The following TNPO1 variants were observed in gnomAD, a reference collection of about 807,000 sequenced individuals.
TNPO1 encodes transportin-1.
A neutral mutation model predicts 119.5 loss-of-function variants in TNPO1; 8 were observed. That is an observed-to-expected ratio of 0.07 (90% CI 0.04 to 0.12). The LOEUF (loss-of-function observed/expected upper bound fraction) is 0.12, where lower values mean the gene tolerates loss of function less well. Ranked by LOEUF, TNPO1 falls within the 10% of genes least tolerant of loss-of-function variation. The pLI, the probability that TNPO1 is intolerant of heterozygous loss-of-function variation, is 1.00. For synonymous variants in TNPO1, 362 were observed against 363.0 expected, an observed-to-expected ratio of 1.00 and a Z score of 0.03; for missense variants, 576 against 1,089.8, an observed-to-expected ratio of 0.53 and a Z score of 6.64.
At chr5:72,898,824 T>C (rs955815565) in intron 20 of TNPO1, among the ~76,000 whole-genome samples, 1 of 152,194 alleles carries the variant, frequency 6.6e-6, no homozygotes, top group African/African-American at 2.4e-5. Context: ...ATGAATCTGC[T>C]GGATTTTAGT....
rs771361518 is a variant in TNPO1 at position 72,865,741 on chromosome 5, G to A, written c.596+12G>A. ...AGTCCAAAAATAAGGTACTTATATT[G>A]CCAGTACTAATTGATTAACTGTGAT... On this transcript the variant is annotated intron_variant, in intron 6 of 24. Transcript: ENST00000337273. The A allele has an allele frequency of 3.1e-6, 5 of 1,609,318 alleles. No homozygotes were observed. The South Asian group carries it at 5.5e-5, about 18-fold the overall frequency.
At chr5:72,871,409 G>A (rs1181148513) in intron 6 of TNPO1, among the ~76,000 whole-genome samples, 1 of 152,184 alleles carries the variant, frequency 6.6e-6, no homozygotes, top group Non-Finnish European at 1.5e-5. Flanking sequence ...ATGTTTATGT[G>A]CTTTGCTGTA....
In TNPO1 at chr5:72,875,625, C is replaced by T; in HGVS notation, c.689C>T (p.Ala230Val). Reference protein sequence around the residue: ...HIDSFIENLFALAGDEEPEVR... With the variant: ...HIDSFIENLFVLAGDEEPEVR... ...TTTCTTGTGCAACAGAATCTCTTTG[C>T]ATTAGCTGGTGATGAAGAACCAGAG... Residue 230 changes from alanine to valine, a missense_variant, in exon 8 of 25, where the codon GCA (alanine) becomes GTA (valine). Ala to Val is a moderately conservative substitution (Grantham distance 64). Transcript: ENST00000337273. The T allele has an allele frequency of 6.2e-7, 1 of 1,612,086 alleles. No individual in the cohort carries two copies. Among genetic ancestry groups the T allele is most frequent in the Non-Finnish European group, 8.5e-7 (1 of 1,178,492 alleles).
At chr5:72,865,271 A>G (rs1304692172) in intron 5 of TNPO1, among the ~76,000 whole-genome samples, 2 of 151,908 alleles carry the variant, frequency 1.3e-5, no homozygotes, top group African/African-American at 4.8e-5. Flanking sequence ...GTGAAACCCC[A>G]TCTCTACAAA....
At chr5:72,832,729 A>G (rs1387717195) in intron 1 of TNPO1, among the ~76,000 whole-genome samples, 1 of 152,168 alleles carries the variant, frequency 6.6e-6, no homozygotes, top group South Asian at 2.1e-4. Flanking sequence ...AGTGATTGTC[A>G]GTGCTCAGAA....
intron 24 of TNPO1, among the ~76,000 whole-genome samples, chr5:72,906,273 T>TC (rs1750147934): frequency 3.4e-5 from 2 of 58,388 alleles, no homozygotes; most frequent in African/African-American, 5.2e-5. Flanking sequence ...ACTTTTTTTT[T>TC]TCTTTTTTTT....
At chr5:72,895,125 C>T (rs183825098) in intron 18 of TNPO1, among the ~76,000 whole-genome samples, 2 of 152,088 alleles carry the variant, frequency 1.3e-5, no homozygotes, top group East Asian at 1.9e-4. Flanking sequence ...TCTCTTCTTA[C>T]AATTGTTTTT....
intron 22 of TNPO1, among the ~76,000 whole-genome samples, chr5:72,902,557 G>A (rs1749870683): frequency 6.6e-6 from 1 of 151,514 alleles, no homozygotes. Context: ...TCTCAAATGT[G>A]TGCTAGAGGT....
At chr5:72,900,918 T>C in intron 21 of TNPO1, 56 bp from the exon 22 acceptor site, 3 of 1,180,502 alleles carry the variant, frequency 2.5e-6, no homozygotes, top group Non-Finnish European at 3.7e-6. Context: ...TCCATTAGTA[T>C]TGTCATTGAA....
intron 11 of TNPO1, among the ~76,000 whole-genome samples, chr5:72,885,868 A>G (rs1223260128): frequency 6.6e-6 from 1 of 151,970 alleles, no homozygotes; most frequent in East Asian, 1.9e-4. Flanking sequence ...CTATAACAGG[A>G]TACCTGAAGT....
chr5:72,821,418 T>C (rs570691869), intron 1 of TNPO1, among the ~76,000 whole-genome samples: 1 of 152,296 alleles, frequency 6.6e-6, no homozygotes, highest in Non-Finnish European at 1.5e-5. Context: ...GCAAATAAAT[T>C]ATTAGGAATA....
intron 4 of TNPO1, among the ~76,000 whole-genome samples, chr5:72,857,982 G>A (rs537758609): frequency 3.3e-5 from 5 of 152,252 alleles, no homozygotes; most frequent in African/African-American, 1.2e-4. Flanking sequence ...ACTTATGTAG[G>A]CATTTTTATT....
At chr5:72,870,158 C>CTT (rs200118076) in intron 6 of TNPO1, among the ~76,000 whole-genome samples, 42,055 of 106,008 alleles carry the variant, frequency 0.4, 10,297 homozygotes, top group Admixed American at 0.48. Context: ...ATACTAATTG[C>CTT]TTTTTTTTTT....
chr5:72,877,310 C>G lies in TNPO1; in HGVS notation c.884C>G (p.Pro295Arg), dbSNP rs144997390. ...CEFWLTLAEQ[P>R]ICKDVLVRHL... Reference sequence around the variant, plus strand: ...TTTTGGCTAACTTTAGCTGAACAGCCAATATGCAAAGATGTACTCGTAAGG... The same window carrying G: ...TTTTGGCTAACTTTAGCTGAACAGCGAATATGCAAAGATGTACTCGTAAGG... The change falls in exon 9 of 25, where the codon CCA becomes CGA. Residue 295 changes from proline to arginine, a missense_variant. Around this residue, in one of 6 missense-constraint regions of TNPO1, gnomAD observed 310 missense variants for 583.0 expected, o/e 0.53. Coordinates refer to ENST00000337273, the MANE Select transcript of TNPO1 (RefSeq NM_002270.4). The G allele has an allele frequency of 6.3e-5, 101 of 1,611,402 alleles. No individual in the cohort carries two copies. The African/African-American group carries it at 1.2e-3, about 19-fold the overall frequency.
Position 72,889,655 on chromosome 5 carries a change from T to A in TNPO1, c.1530-131T>A. 3 of 880,234 alleles carry A rather than the reference T, an allele frequency of 3.4e-6. No individual in the cohort carries two copies. In the East Asian group the frequency reaches 8.2e-5, roughly 24 times the overall value. The allele number at this position is 880,234 out of a possible 1,614,324, so 54.5% of individuals were successfully genotyped here. On this transcript the variant is annotated intron_variant, in intron 13 of 24. Transcript: ENST00000337273. ...ATTCACAGTGCTGATGACCAGGGCT[T>A]TCATTAACAGATGGCTTAGACCATT... is the stretch of plus-strand genomic sequence containing the variant.
intron 7 of TNPO1, 56 bp from the exon 8 acceptor site, chr5:72,875,552 GATTACTT>G: frequency 6.5e-7 from 1 of 1,545,120 alleles, no homozygotes; most frequent in East Asian, 2.3e-5. Flanking sequence ...CCAACTTGCA[GATTACTT>G]ATTACTTGTG....
chr5:72,855,387 A>G (rs1408037501), intron 3 of TNPO1, among the ~76,000 whole-genome samples: 2 of 152,192 alleles, frequency 1.3e-5, no homozygotes, highest in Non-Finnish European at 2.9e-5. Context: ...GTGGCCATAT[A>G]TATAAACGAA....
At chr5:72,906,749 A>G (rs1218964058) in intron 24 of TNPO1, among the ~76,000 whole-genome samples, 3 of 152,158 alleles carry the variant, frequency 2.0e-5, no homozygotes, top group Non-Finnish European at 1.5e-5. Context: ...TATGTTGAGG[A>G]TTAAATACTA....
chr5:72,848,156 G>A lies in TNPO1; in HGVS notation c.16-229G>A, dbSNP rs1745224641. On this transcript the variant is annotated intron_variant, in intron 1 of 24. Coordinates refer to ENST00000337273, the MANE Select transcript of TNPO1 (RefSeq NM_002270.4). ...GGTCGGCTCCTTGCGCTCGGCGGCC[G>A]CGGCGGCAGCAGCAGCAGACGCTGG... 5.8e-6 allele frequency: 7 copies of A among 1,203,118 alleles called. No homozygotes were observed. The South Asian group carries it at 1.3e-4, about 22-fold the overall frequency. 74.5% of individuals were successfully genotyped at this position (1,203,118 alleles called of 1,614,324 possible).
Sources: gnomAD v4.1 joint callset for allele counts (sites outside exome capture counted in the v4.1 genomes callset) on GRCh38, gnomAD v4.1.1 for gene constraint, gnomAD v4.1.1 regional missense constraint, MANE v1.5 for transcripts, NCBI Gene and HGNC (gene_info 2026-07-23, HGNC 2026-07-21) for gene names.